GARS1: variants seen among roughly 807,000 people sequenced by gnomAD.
GARS1 encodes the protein glycyl-tRNA synthetase 1.
Under a neutral mutation model 86.4 loss-of-function variants are expected in GARS1, and 46 were observed. The ratio of observed to expected loss-of-function variants is 0.53; its 90% CI spans 0.42 to 0.68. The LOEUF (loss-of-function observed/expected upper bound fraction) is 0.68, where lower values mean the gene tolerates loss of function less well. GARS1 is among the 30% of genes least tolerant of loss of function. The pLI is 0.00. For missense variants in GARS1, 797 were observed against 915.6 expected, an observed-to-expected ratio of 0.87 and a Z score of 1.67; for synonymous variants, 342 against 329.8, an observed-to-expected ratio of 1.04 and a Z score of -0.40.
intron 10 of GARS1, among the ~76,000 whole-genome samples, chr7:30,617,511 C>T (rs549272982): frequency 3.9e-5 from 6 of 152,230 alleles, no homozygotes; most frequent in Admixed American, 6.5e-5. Context: ...TGGGACAGTG[C>T]GGATGTGTAC....
intron 9 of GARS1, among the ~76,000 whole-genome samples, chr7:30,616,456 C>T (rs1782892037): frequency 6.6e-6 from 1 of 152,184 alleles, no homozygotes; most frequent in Admixed American, 6.5e-5. Context: ...TGCATATAAG[C>T]ACTTTGTAAA....
chr7:30,627,191 G>T, intron 13 of GARS1: 1 of 396,224 alleles, frequency 2.5e-6, no homozygotes. Flanking sequence ...AGTGGAAAGA[G>T]TGAGCATACC....
intron 11 of GARS1, 90 bp from the exon 12 acceptor site, chr7:30,622,227 G>C: frequency 6.7e-7 from 1 of 1,489,280 alleles, no homozygotes; most frequent in Non-Finnish European, 9.3e-7. Flanking sequence ...GAGCTGGCAT[G>C]GTTTTAAGTT....
intron 8 of GARS1, 121 bp from the exon 9 acceptor site, chr7:30,615,775 A>C: frequency 9.2e-7 from 1 of 1,084,800 alleles, no homozygotes; most frequent in Non-Finnish European, 1.3e-6. Context: ...TTAGTGAAAA[A>C]GACCACTATA....
chr7:30,619,754 C>T (rs898882006), intron 10 of GARS1, among the ~76,000 whole-genome samples: 1 of 148,772 alleles, frequency 6.7e-6, no homozygotes, highest in African/African-American at 2.5e-5. Context: ...GCTTGGAAAG[C>T]TTAGTAGTTT....
At chr7:30,609,179 A>G (rs994415131) in intron 6 of GARS1, among the ~76,000 whole-genome samples, 2 of 152,196 alleles carry the variant, frequency 1.3e-5, no homozygotes, top group East Asian at 3.8e-4. Context: ...TATTAATAGT[A>G]TATTTGCTTG....
At chr7:30,603,189 T>C (rs549581630) in intron 5 of GARS1, 67 bp downstream of exon 5, 27 of 1,346,532 alleles carry the variant, frequency 2.0e-5, no homozygotes, top group African/African-American at 2.9e-5. Flanking sequence ...CTCTCAGATG[T>C]CTTTCATTAA....
chr7:30,618,261 G>A (rs949940708), intron 10 of GARS1, among the ~76,000 whole-genome samples: 25 of 152,148 alleles, frequency 1.6e-4, no homozygotes, highest in Middle Eastern at 3.4e-3. Flanking sequence ...AGGACCAGAT[G>A]GTAAATATTT....
intron 11 of GARS1, 178 bp downstream of exon 11, chr7:30,621,678 T>C: frequency 1.5e-6 from 1 of 649,232 alleles, no homozygotes; most frequent in South Asian, 1.8e-5. Context: ...TCTCTGTACT[T>C]GTAGTCTGAC....
At position 30,632,542 on chromosome 7, in the gene GARS1, C is replaced by A; in HGVS notation, c.2094+105C>A. 1 of 1,248,926 alleles carries A rather than the reference C, an allele frequency of 8.0e-7. No homozygotes were observed. Among genetic ancestry groups the A allele is most frequent in the Non-Finnish European group, 1.2e-6 (1 of 868,756 alleles). The allele number at this position is 1,248,926 out of a possible 1,614,324, so 77.4% of individuals were successfully genotyped here. ...TTTATGCTCCCTTTCCTTTTTTTTT[C>A]TTTTTAATTTTAATGAACGGCTTGT... On this transcript the variant is annotated intron_variant, in intron 16 of 16. Coordinates refer to ENST00000389266, the MANE Select transcript of GARS1 (RefSeq NM_002047.4). This position sits in a 1 kb window ranked among gnomAD's most constrained non-coding sequence, Gnocchi z 4.1.
intron 10 of GARS1, 88 bp downstream of exon 10, chr7:30,617,366 C>T (rs975999191): frequency 7.0e-7 from 1 of 1,424,610 alleles, no homozygotes; most frequent in Non-Finnish European, 9.7e-7. Context: ...CTTTATGTCA[C>T]AGAGGAACAA....
At chr7:30,620,365 G>T (rs1782980302) in intron 10 of GARS1, among the ~76,000 whole-genome samples, 1 of 152,056 alleles carries the variant, frequency 6.6e-6, no homozygotes, top group South Asian at 2.1e-4. Flanking sequence ...CCTTGTGAGG[G>T]CCCCATTCTC....
chr7:30,598,691 C>A, intron 1 of GARS1, 105 bp from the exon 2 acceptor site: 1 of 936,168 alleles, frequency 1.1e-6, no homozygotes, highest in Non-Finnish European at 1.7e-6. Flanking sequence ...GCCTGAATTG[C>A]ATCATTCTTA....
At chr7:30,622,623 C>T (rs1356837140) in intron 12 of GARS1, 161 bp downstream of exon 12, 2 of 765,506 alleles carry the variant, frequency 2.6e-6, no homozygotes, top group East Asian at 5.1e-5. Context: ...GCATTATAGC[C>T]TGAAAAAAGA....
chr7:30,605,048 C>G (rs1791454808), intron 6 of GARS1, among the ~76,000 whole-genome samples: 1 of 152,212 alleles, frequency 6.6e-6, no homozygotes, highest in South Asian at 2.1e-4. Context: ...GCATGTACAG[C>G]TGTCAATATA....
In GARS1 at chr7:30,621,320, G is replaced by T. The variant is rs1783001001; in HGVS notation, c.1360-73G>T. 3 of 1,135,900 alleles carry T rather than the reference G, an allele frequency of 2.6e-6. No homozygotes were observed. The African/African-American group carries it at 4.6e-5, about 17-fold the overall frequency. The allele number at this position is 1,135,900 out of a possible 1,614,324, so 70.4% of individuals were successfully genotyped here. A position where few individuals can be genotyped will look rare whatever the true frequency, so the allele number is the denominator to read the frequency against. On this transcript the variant is annotated intron_variant, in intron 10 of 16. Transcript: ENST00000389266. ...TGAATATATGAAAGGTTTATAATCT[G>T]CATGCATTTGTGAATGAACCCAATA...
intron 6 of GARS1, among the ~76,000 whole-genome samples, chr7:30,605,811 G>A (rs1392385189): frequency 1.3e-5 from 2 of 152,068 alleles, no homozygotes; most frequent in Non-Finnish European, 1.5e-5. Context: ...CTCTTACCTT[G>A]GGAAATGTTA....
Position 30,603,524 on chromosome 7 carries a change from G to A in GARS1, c.687G>A (p.Lys229=). 6.2e-7 allele frequency: 1 copy of A among 1,613,908 alleles called. No homozygotes were observed. The highest frequency in any genetic ancestry group is 8.5e-7 in the Non-Finnish European group (1 of 1,179,928). Residue 229 remains lysine, a synonymous_variant, in exon 6 of 17, where the codon AAG becomes AAA. Transcript: ENST00000389266. ...ATTTACAGAAATTGATGTCTGATAA[G>A]AAGTGTTCTGTCGAAAAGAAATCAG... ...KAHLQKLMSD[K]KCSVEKKSEM...
chr7:30,626,402 C>G (rs989637576), intron 13 of GARS1, 83 bp downstream of exon 13: 2 of 888,676 alleles, frequency 2.3e-6, no homozygotes, highest in African/African-American at 3.3e-5. Context: ...TGCTCTGTCA[C>G]CCAGGCTGGA....
Sources: allele counts gnomAD v4.1 joint callset (sites outside exome capture counted in the v4.1 genomes callset), GRCh38; gene constraint gnomAD v4.1.1; non-coding constraint Gnocchi (gnomAD v3.1); transcripts MANE v1.5; gene names NCBI Gene and HGNC (gene_info 2026-07-23, HGNC 2026-07-21).